The following MCU variants were observed in gnomAD, a reference collection of about 807,000 sequenced individuals.
MCU encodes the protein mitochondrial calcium uniporter, also known as calcium uniporter protein, mitochondrial.
Under a neutral mutation model 45.2 loss-of-function variants are expected in MCU, and 12 were observed. The ratio of observed to expected loss-of-function variants is 0.27; its 90% confidence interval spans 0.17 to 0.43. The LOEUF (loss-of-function observed/expected upper bound fraction) is 0.43. Among genes scored for constraint, MCU ranks in the 20% least tolerant of loss-of-function variants. MCU has a pLI of 1.00. For synonymous variants in MCU, 160 were observed against 165.1 expected (o/e 0.97, Z 0.24); for missense variants, 324 against 436.7 (o/e 0.74, Z 2.30).
Position 72,854,415 on chromosome 10 carries a change from A to T in MCU, c.221-4762A>T, listed in dbSNP as rs565924831. On this transcript the variant is annotated intron_variant, in intron 2 of 7. Transcript: ENST00000373053. ...AACAAAATTTCTTTAAAAGATAATCAAAAGGTAAACCACACAAAAATAATG... is the reference window on the plus strand; with the variant it reads ...AACAAAATTTCTTTAAAAGATAATCTAAAGGTAAACCACACAAAAATAATG... Among the ~76,000 whole-genome samples, 5 of 152,366 alleles carry T rather than the reference A, an allele frequency of 3.3e-5. No homozygotes were observed. In the East Asian group the frequency reaches 9.6e-4, roughly 29 times the overall value.
At chr10:72,699,386 A>G (rs765773700) in intron 1 of MCU, among the ~76,000 whole-genome samples, 6 of 152,008 alleles carry the variant, frequency 3.9e-5, no homozygotes, top group Non-Finnish European at 8.8e-5. Flanking sequence ...GCGCGCCTGT[A>G]ATCCCAACTA....
chr10:72,729,953 T>A (rs7909458), intron 1 of MCU, among the ~76,000 whole-genome samples: 1,013 of 24,118 alleles, frequency 0.042, 18 homozygotes, highest in African/African-American at 0.19. Context: ...TTCAGCATTC[T>A]TTTTTTTTTT....
chr10:72,842,204 C>T (rs2132845944), intron 2 of MCU, among the ~76,000 whole-genome samples: 1 of 152,308 alleles, frequency 6.6e-6, no homozygotes, highest in African/African-American at 2.4e-5. Flanking sequence ...TTTTCTACTA[C>T]TTGAAGTATC....
intron 1 of MCU, among the ~76,000 whole-genome samples, chr10:72,816,359 C>T (rs1397409281): frequency 2.0e-5 from 3 of 152,064 alleles, no homozygotes; most frequent in East Asian, 1.9e-4. Context: ...TTCAGTTGTA[C>T]AATAGAAGTT....
At chr10:72,709,489 A>G (rs760466216) in intron 1 of MCU, among the ~76,000 whole-genome samples, 1 of 152,068 alleles carries the variant, frequency 6.6e-6, no homozygotes, top group Admixed American at 6.6e-5. Context: ...GTCTTTCTTG[A>G]TCTGTTAGTT....
At chr10:72,767,467 C>A (rs1207899337) in intron 1 of MCU, among the ~76,000 whole-genome samples, 2 of 152,062 alleles carry the variant, frequency 1.3e-5, no homozygotes, top group Non-Finnish European at 2.9e-5. Context: ...CAAATAGGTT[C>A]ATTTCAGCTC....
intron 1 of MCU, among the ~76,000 whole-genome samples, chr10:72,832,435 A>G (rs1844891754): frequency 6.6e-6 from 1 of 152,228 alleles, no homozygotes; most frequent in Non-Finnish European, 1.5e-5. Flanking sequence ...TGTAACAGGC[A>G]TATGCAAACT....
intron 1 of MCU, chr10:72,767,147 C>T (rs770280719): frequency 4.6e-5 from 7 of 151,788 alleles, no homozygotes; most frequent in Non-Finnish European, 7.4e-5. Context: ...TTTGTCTTTT[C>T]GTTATTTTGT....
intron 1 of MCU, among the ~76,000 whole-genome samples, chr10:72,783,644 G>GA (rs1370218545): frequency 2.6e-5 from 4 of 152,176 alleles, no homozygotes; most frequent in African/African-American, 9.7e-5. Flanking sequence ...TTGTTGGGGG[G>GA]AGCTGTTGTA....
At chr10:72,812,811 A>G (rs1219100479) in intron 1 of MCU, among the ~76,000 whole-genome samples, 1 of 152,158 alleles carries the variant, frequency 6.6e-6, no homozygotes, top group Non-Finnish European at 1.5e-5. Flanking sequence ...CTTTGGCTTT[A>G]TGTTGTCCGG....
At chr10:72,728,497 A>G (rs1028653287) in intron 1 of MCU, among the ~76,000 whole-genome samples, 2 of 152,250 alleles carry the variant, frequency 1.3e-5, no homozygotes, top group Non-Finnish European at 2.9e-5. Flanking sequence ...TGAGACATAT[A>G]TGACAAGGAG....
At chr10:72,794,697 A>G (rs1844218157) in intron 1 of MCU, among the ~76,000 whole-genome samples, 1 of 152,204 alleles carries the variant, frequency 6.6e-6, no homozygotes, top group African/African-American at 2.4e-5. Flanking sequence ...CAAATTTCTA[A>G]AAGATAAGCC....
In MCU at chr10:72,692,238, G is replaced by T. The variant is rs770056613; in HGVS notation, c.87G>T (p.Leu29=). 47 of 1,240,764 alleles carry T rather than the reference G, an allele frequency of 3.8e-5. No homozygotes were observed. In the East Asian group the frequency reaches 1.3e-3, roughly 35 times the overall value. The allele number at this position is 1,240,764 out of a possible 1,614,324, so 76.9% of individuals were successfully genotyped here. ...GGGGAGGCGA[L]TAGCFPGLGV... ...GGGGCGCCGGCGGCTGCGGGGCGCT[G>T]ACTGCCGGCTGCTTCCCTGGGCTGG... Residue 29 remains leucine, a synonymous_variant, in exon 1 of 8, where the codon CTG becomes CTT. Coordinates refer to ENST00000373053, the MANE Select transcript of MCU (RefSeq NM_138357.3).
chr10:72,754,922 A>T (rs1014931322), intron 1 of MCU, among the ~76,000 whole-genome samples: 1 of 152,234 alleles, frequency 6.6e-6, no homozygotes, highest in African/African-American at 2.4e-5. Context: ...AAGATTTCTT[A>T]GCACTTCTAC....
At chr10:72,828,452 CTCTCTT>C (rs1286192125) in intron 1 of MCU, among the ~76,000 whole-genome samples, 1 of 151,978 alleles carries the variant, frequency 6.6e-6, no homozygotes, top group African/African-American at 2.4e-5. Context: ...ATAACTTTCC[CTCTCTT>C]TCTCTTTCTC....
intron 1 of MCU, among the ~76,000 whole-genome samples, chr10:72,733,568 G>T (rs2132687472): frequency 6.6e-6 from 1 of 152,136 alleles, no homozygotes; most frequent in South Asian, 2.1e-4. Context: ...TAAAAAAAGG[G>T]AAATCTTGTA....
intron 1 of MCU, among the ~76,000 whole-genome samples, chr10:72,778,173 G>A (rs967238314): frequency 1.3e-4 from 20 of 152,090 alleles, no homozygotes; most frequent in Admixed American, 9.2e-4. Flanking sequence ...TTCACTACTG[G>A]GTATATAGCC....
At chr10:72,724,331 C>G (rs1347182634) in intron 1 of MCU, among the ~76,000 whole-genome samples, 1 of 152,128 alleles carries the variant, frequency 6.6e-6, no homozygotes, top group African/African-American at 2.4e-5. Context: ...ATATGTTTTT[C>G]TCGTATAAGT....
Position 72,887,328 on chromosome 10 carries a change from A to G in MCU, c.*1506A>G, listed in dbSNP as rs1845790043. On this transcript the variant is annotated 3_prime_UTR_variant, in exon 8 of 8. Transcript: ENST00000373053. ...GCTGCTGCTGCTGCTACTCCTGCCA[A>G]CACCCCTTTCATTGGCATGACGGAA... is the stretch of plus-strand genomic sequence containing the variant. The G allele has an allele frequency of 6.5e-6, 1 of 152,824 alleles. No homozygotes were observed. Among genetic ancestry groups the G allele is most frequent in the South Asian group, 2.1e-4 (1 of 4,822 alleles). 9.5% of individuals were successfully genotyped at this position (152,824 alleles called of 1,614,324 possible). A position where few individuals can be genotyped will look rare whatever the true frequency, so the allele number is the denominator to read the frequency against.
Sources: gnomAD v4.1 joint callset for allele counts (sites outside exome capture counted in the v4.1 genomes callset) on GRCh38, gnomAD v4.1.1 for gene constraint, MANE v1.5 for transcripts, NCBI Gene and HGNC (gene_info 2026-07-23, HGNC 2026-07-21) for gene names.